The following ZNF90 variants were observed in gnomAD, a reference collection of about 807,000 sequenced individuals.
ZNF90 encodes the protein zinc finger protein 90, also known as zinc finger protein HTF9.
Under a neutral mutation model 12.0 loss-of-function variants are expected in ZNF90, and 11 were observed. The observed-to-expected ratio is 0.92, with a 90% CI of 0.58 to 1.52. The LOEUF (loss-of-function observed/expected upper bound fraction) is 1.52. ZNF90 is among the 40% of genes most tolerant of loss of function. The pLI is 0.00. For synonymous variants in ZNF90, 232 were observed against 240.1 expected, an observed-to-expected ratio of 0.97 and a Z score of 0.31; for missense variants, 765 against 711.5, an observed-to-expected ratio of 1.08 and a Z score of -0.86.
intron 3 of ZNF90, among the ~76,000 whole-genome samples, chr19:20,112,004 A>G (rs2089093592): frequency 1.3e-5 from 2 of 151,792 alleles, no homozygotes; most frequent in Non-Finnish European, 2.9e-5. Context: ...GATTACAGGC[A>G]TGCACCACCA....
Position 20,119,458 on chromosome 19 carries a change from T to C in ZNF90, c.*98T>C, listed in dbSNP as rs1056115275. On this transcript the variant is annotated 3_prime_UTR_variant, in exon 4 of 4. Transcript: ENST00000418063. ...GGAAAGCCTTTGACCACCCCTCTAC[T>C]CTTACTAAATATGAGAATTTATATG... The C allele has an allele frequency of 2.7e-5, 26 of 964,504 alleles. No homozygotes were observed. The African/African-American group carries it at 3.2e-4, about 12-fold the overall frequency. The allele number at this position is 964,504 out of a possible 1,614,324, so 59.7% of individuals were successfully genotyped here. A position where few individuals can be genotyped will look rare whatever the true frequency, so the allele number is the denominator to read the frequency against.
chr19:20,114,904 A>C (rs1333712833), intron 3 of ZNF90, among the ~76,000 whole-genome samples: 1 of 152,088 alleles, frequency 6.6e-6, no homozygotes, highest in Non-Finnish European at 1.5e-5. Context: ...ATTTCTCTCT[A>C]TGTGTTTATT....
At chr19:20,114,260 T>C (rs1191195868) in intron 3 of ZNF90, among the ~76,000 whole-genome samples, 1 of 152,228 alleles carries the variant, frequency 6.6e-6, no homozygotes, top group Admixed American at 6.5e-5. Context: ...CACTGCAGTT[T>C]AGCCTGGGAG....
At chr19:20,109,311 A>G (rs1555704785) in intron 3 of ZNF90, among the ~76,000 whole-genome samples, 1 of 152,178 alleles carries the variant, frequency 6.6e-6, no homozygotes, top group East Asian at 1.9e-4. Flanking sequence ...TTGTCTGTAA[A>G]TATGACCCCA....
rs368056772 is a variant in ZNF90, at chr19:20,079,583, G to A, written c.3+1448G>A. On this transcript the variant is annotated intron_variant, in intron 1 of 3. Transcript: ENST00000418063. ...AGGGAGGAGCAAAGAAGTTTAGAAAGGAGGTGGGAGGGGAATGGCAAATGG... is the reference window on the plus strand; with the variant it reads ...AGGGAGGAGCAAAGAAGTTTAGAAAAGAGGTGGGAGGGGAATGGCAAATGG... Among the ~76,000 whole-genome samples, 36 of 152,232 alleles carry A rather than the reference G, an allele frequency of 2.4e-4. No individual in the cohort carries two copies. In the East Asian group the frequency reaches 5.2e-3, roughly 22 times the overall value.
chr19:20,082,235 T>C (rs1173414281), intron 1 of ZNF90, among the ~76,000 whole-genome samples: 1 of 152,154 alleles, frequency 6.6e-6, no homozygotes, highest in Non-Finnish European at 1.5e-5. Context: ...CTCTCCACCC[T>C]CTACTAGGTC....
chr19:20,108,133 A>G (rs1033105507), intron 3 of ZNF90, among the ~76,000 whole-genome samples: 4 of 140,430 alleles, frequency 2.8e-5, no homozygotes, highest in African/African-American at 9.9e-5. Context: ...TTGTTTTTTA[A>G]CAAATCTAGT....
chr19:20,107,855 A>G (rs1488171663), intron 3 of ZNF90, among the ~76,000 whole-genome samples: 2 of 152,228 alleles, frequency 1.3e-5, no homozygotes, highest in African/African-American at 4.8e-5. Context: ...TTAACTAAAT[A>G]TGATAAATAA....
chr19:20,112,958 T>C (rs1297376917), intron 3 of ZNF90, among the ~76,000 whole-genome samples: 3 of 152,206 alleles, frequency 2.0e-5, no homozygotes, highest in African/African-American at 4.8e-5. Flanking sequence ...GTATGTCACA[T>C]CACAGCAATT....
intron 1 of ZNF90, among the ~76,000 whole-genome samples, chr19:20,088,635 A>G (rs1186847493): frequency 6.6e-6 from 1 of 152,204 alleles, no homozygotes; most frequent in Non-Finnish European, 1.5e-5. Context: ...TCATTTAAGA[A>G]TATGCAGGGT....
intron 3 of ZNF90, among the ~76,000 whole-genome samples, chr19:20,115,781 T>C (rs182798641): frequency 1.9e-3 from 285 of 152,300 alleles, no homozygotes; most frequent in African/African-American, 6.4e-3. Flanking sequence ...TTTTATTTTT[T>C]GCTATTTTAA....
intron 3 of ZNF90, among the ~76,000 whole-genome samples, chr19:20,109,211 G>A (rs1457176062): frequency 6.6e-6 from 1 of 152,134 alleles, no homozygotes; most frequent in African/African-American, 2.4e-5. Flanking sequence ...TAGACAATTT[G>A]CAATTCTGTT....
rs1373176733 is a variant in ZNF90, at chr19:20,120,806, T to A, written c.*1446T>A. ...GTATACTTGCTTTCTTGAGAAAAAATTTTTGAAAAGTGAATAAGGTAATAG... is the reference window on the plus strand; with the variant it reads ...GTATACTTGCTTTCTTGAGAAAAAAATTTTGAAAAGTGAATAAGGTAATAG... On this transcript the variant is annotated 3_prime_UTR_variant, in exon 4 of 4. Transcript: ENST00000418063. 6.6e-6 allele frequency: 1 copy of A among 152,150 alleles called. No homozygotes were observed. Among genetic ancestry groups the A allele is most frequent in the East Asian group, 1.9e-4 (1 of 5,200 alleles). 9.4% of individuals were successfully genotyped at this position (152,150 alleles called of 1,614,324 possible). A position where few individuals can be genotyped will look rare whatever the true frequency, so the allele number is the denominator to read the frequency against.
At chr19:20,095,159 A>G (rs2088933423) in intron 1 of ZNF90, among the ~76,000 whole-genome samples, 1 of 152,096 alleles carries the variant, frequency 6.6e-6, no homozygotes, top group South Asian at 2.1e-4. Flanking sequence ...GAGGGAAAGA[A>G]GGAGGATCTG....
Position 20,118,164 on chromosome 19 carries a change from G to A in ZNF90, c.610G>A (p.Glu204Lys). ...IHTGEITCKC[E>K]ECGKAFNRSS... ...TACTGGAGAGATAACCTGCAAATGT[G>A]AAGAATGTGGCAAAGCCTTCAACAG... The change falls in exon 4 of 4, where the codon GAA becomes AAA. Residue 204 changes from glutamate to lysine, a missense_variant. Transcript: ENST00000418063. 1 of 1,610,488 alleles carries A rather than the reference G, an allele frequency of 6.2e-7. No individual in the cohort carries two copies. Among genetic ancestry groups the A allele is most frequent in the East Asian group, 2.3e-5 (1 of 44,152 alleles).
chr19:20,080,858 AGTT>A (rs1429706117), intron 1 of ZNF90, among the ~76,000 whole-genome samples: 1 of 151,978 alleles, frequency 6.6e-6, no homozygotes, highest in Non-Finnish European at 1.5e-5. Flanking sequence ...GTTGTTGGAG[AGTT>A]GTTTGACGTT....
At chr19:20,104,438 T>C (rs1171133865) in intron 2 of ZNF90, 73 bp downstream of exon 2, 2 of 1,509,842 alleles carry the variant, frequency 1.3e-6, no homozygotes, top group African/African-American at 1.4e-5. Flanking sequence ...TGGAATGATT[T>C]TTAGTAATGT....
intron 1 of ZNF90, among the ~76,000 whole-genome samples, chr19:20,081,769 CTT>C (rs200678868): frequency 5.7e-5 from 8 of 139,308 alleles, no homozygotes; most frequent in Non-Finnish European, 3.1e-5. Context: ...TTTCTTTCTT[CTT>C]TTTTTTTTTT....
At chr19:20,090,697 G>T (rs1347533098) in intron 1 of ZNF90, among the ~76,000 whole-genome samples, 3 of 152,174 alleles carry the variant, frequency 2.0e-5, no homozygotes, top group Non-Finnish European at 4.4e-5. Flanking sequence ...CCTGCTGGAG[G>T]ACTGGAAGAT....
Sources: allele counts gnomAD v4.1 joint callset (sites outside exome capture counted in the v4.1 genomes callset), GRCh38; gene constraint gnomAD v4.1.1; transcripts MANE v1.5; gene names NCBI Gene and HGNC (gene_info 2026-07-23, HGNC 2026-07-21).